MKLN1: variants seen among roughly 807,000 people sequenced by gnomAD.
MKLN1 encodes muskelin 1.
In MKLN1, 18 loss-of-function variants were observed where a neutral mutation model predicts 99.0. The observed-to-expected ratio is 0.18, with a 90% confidence interval of 0.13 to 0.27. The LOEUF is 0.27. MKLN1 is among the 10% of genes least tolerant of loss of function. The probability of loss-of-function intolerance (pLI) is 1.00; values close to 1 mark genes in which losing one functional copy is unlikely to be tolerated. For synonymous variants in MKLN1, 288 were observed against 293.2 expected (o/e 0.98, Z 0.18); for missense variants, 621 against 875.9 (o/e 0.71, Z 3.67).
chr7:131,475,629 T>C (rs369606801), intron 16 of MKLN1, among the ~76,000 whole-genome samples: 1 of 152,068 alleles, frequency 6.6e-6, no homozygotes, highest in Non-Finnish European at 1.5e-5. Flanking sequence ...TTGGGCAACA[T>C]AGCAAAAACC....
At chr7:131,130,334 A>C (rs1795530550) in intron 1 of MKLN1, among the ~76,000 whole-genome samples, 1 of 152,246 alleles carries the variant, frequency 6.6e-6, no homozygotes, top group Non-Finnish European at 1.5e-5. Context: ...TGATAAGCTT[A>C]GTTTGGTTAG....
chr7:131,210,343 C>A (rs1796882330), intron 3 of MKLN1, among the ~76,000 whole-genome samples: 1 of 152,006 alleles, frequency 6.6e-6, no homozygotes, highest in Non-Finnish European at 1.5e-5. Context: ...ACAGCCTGGG[C>A]AACACGGAGA....
intron 3 of MKLN1, among the ~76,000 whole-genome samples, chr7:131,313,290 T>A (rs1419961408): frequency 6.6e-6 from 1 of 152,198 alleles, no homozygotes; most frequent in African/African-American, 2.4e-5. Context: ...GTAGACAATA[T>A]ATAAACAGAC....
intron 2 of MKLN1, among the ~76,000 whole-genome samples, chr7:131,166,921 C>T (rs2116325681): frequency 6.6e-6 from 1 of 152,148 alleles, no homozygotes; most frequent in South Asian, 2.1e-4. Flanking sequence ...AAACTCTTGA[C>T]CTCAGGTGAT....
At chr7:131,246,069 C>T (rs981038020) in intron 3 of MKLN1, among the ~76,000 whole-genome samples, 3 of 152,232 alleles carry the variant, frequency 2.0e-5, no homozygotes, top group African/African-American at 7.2e-5. Context: ...GGAGGGGGCC[C>T]AAGGTCCTGC....
chr7:131,139,570 C>T (rs559108544), intron 1 of MKLN1, among the ~76,000 whole-genome samples: 1 of 152,320 alleles, frequency 6.6e-6, no homozygotes, highest in South Asian at 2.1e-4. Flanking sequence ...AAGGTGACTA[C>T]ACTCCTCTCT....
intron 2 of MKLN1, among the ~76,000 whole-genome samples, chr7:131,170,511 T>C (rs975317061): frequency 7.2e-5 from 11 of 152,226 alleles, no homozygotes; most frequent in African/African-American, 1.7e-4. Flanking sequence ...ACTAATTCCA[T>C]TGGAAAGCTG....
rs1319394079 is a variant in MKLN1 at position 131,117,207 on chromosome 7, G to A, written c.-419+7000G>A. On this transcript the variant is annotated intron_variant, in intron 1 of 7. Transcript: ENST00000416992. ...AGCACTTTGGGAGGCTGAGGTGGGCGGATCACGAGGTCAGGAGATCGAGAC... is the reference window on the plus strand; with the variant it reads ...AGCACTTTGGGAGGCTGAGGTGGGCAGATCACGAGGTCAGGAGATCGAGAC... 1.3e-4 allele frequency among the ~76,000 whole-genome samples: 20 copies of A among 152,110 alleles called. No individual in the cohort carries two copies. In the East Asian group the frequency reaches 1.7e-3, roughly 13 times the overall value.
At chr7:131,173,152 CA>C (rs1796241642) in intron 2 of MKLN1, among the ~76,000 whole-genome samples, 2 of 151,870 alleles carry the variant, frequency 1.3e-5, no homozygotes, top group African/African-American at 4.8e-5. Flanking sequence ...CACACACACA[CA>C]CACACACACA....
intron 7 of MKLN1, among the ~76,000 whole-genome samples, chr7:131,411,906 C>CAGAAAAAAA (rs1794888946): frequency 1.9e-5 from 1 of 53,092 alleles, no homozygotes; most frequent in African/African-American, 6.7e-5. Context: ...GATTCCATCT[C>CAGAAAAAAA]AAAAAAAAAA....
chr7:131,338,431 A>G (rs1024314367), intron 1 of MKLN1, among the ~76,000 whole-genome samples: 3 of 152,230 alleles, frequency 2.0e-5, no homozygotes, highest in African/African-American at 7.2e-5. Context: ...AATAGGTGAC[A>G]TGTCTTGAAA....
intron 8 of MKLN1, among the ~76,000 whole-genome samples, chr7:131,415,857 A>G (rs1795002592): frequency 1.3e-5 from 2 of 152,228 alleles, no homozygotes; most frequent in South Asian, 4.1e-4. Context: ...GATTGTCTAC[A>G]CAGTAGCTTC....
chr7:131,222,858 T>C (rs549519615), intron 3 of MKLN1, among the ~76,000 whole-genome samples: 698 of 49,012 alleles, frequency 0.014, 3 homozygotes, highest in East Asian at 0.065. Flanking sequence ...TTGCTAAAAA[T>C]ACAAAAAAAA....
chr7:131,444,799 TA>T (rs1795958268), intron 11 of MKLN1, among the ~76,000 whole-genome samples: 1 of 147,326 alleles, frequency 6.8e-6, no homozygotes, highest in African/African-American at 2.5e-5. Context: ...GTAGTAGTAG[TA>T]GTAGTAGTAG....
In MKLN1 at chr7:131,487,618, G is replaced by A. The variant is rs775587342; in HGVS notation, c.2098G>A (p.Val700Met). 2 of 1,611,830 alleles carry A rather than the reference G, an allele frequency of 1.2e-6. No individual in the cohort carries two copies. Among genetic ancestry groups the A allele is most frequent in the Non-Finnish European group, 1.7e-6 (2 of 1,178,946 alleles). The change falls in exon 18 of 18, where the codon GTG (valine) becomes ATG (methionine). Residue 700 changes from valine (V) to methionine (M), a missense_variant. Around this residue, in one of 8 missense-constraint regions of MKLN1, gnomAD observed 126 missense variants for 157.4 expected, o/e 0.80. Coordinates refer to ENST00000352689, the MANE Select transcript of MKLN1 (RefSeq NM_013255.5). This position sits in a 1 kb window ranked among gnomAD's most constrained non-coding sequence, Gnocchi z 4.7. Reference protein sequence around the residue: ...SDFTALGFSDVDHTYAQRTQL... With the variant: ...SDFTALGFSDMDHTYAQRTQL... The stretch of plus-strand genomic sequence containing the variant: ...ATCTTCTTCACCAGGCTTTTCTGAT[G>A]TGGATCACACCTATGCTCAAAGAAC...
intron 1 of MKLN1, among the ~76,000 whole-genome samples, chr7:131,341,723 G>T (rs1317997838): frequency 6.6e-6 from 1 of 152,168 alleles, no homozygotes; most frequent in African/African-American, 2.4e-5. Context: ...ATTCTTATAA[G>T]GAACAAAACC....
intron 3 of MKLN1, among the ~76,000 whole-genome samples, chr7:131,225,156 C>T (rs1289420188): frequency 1.3e-5 from 2 of 151,764 alleles, no homozygotes; most frequent in Non-Finnish European, 2.9e-5. Flanking sequence ...ATACCATAGA[C>T]TGGATGGCTC....
chr7:131,248,387 G>A lies in MKLN1; in HGVS notation c.-179+45413G>A, dbSNP rs77665247. Among the ~76,000 whole-genome samples the A allele has an allele frequency of 3.0e-3, 461 of 152,212 alleles. 6 individuals carry two copies. The highest frequency in any genetic ancestry group is 0.025 in the East Asian group (131 of 5,184). On this transcript the variant is annotated intron_variant, in intron 3 of 7. Coordinates refer to the MKLN1 transcript ENST00000416992. ...CCCCTCTATCTCTGCTGGTACCCCAGTTATCCTTTCTACAAACGAAATTGC... is the reference window on the plus strand; with the variant it reads ...CCCCTCTATCTCTGCTGGTACCCCAATTATCCTTTCTACAAACGAAATTGC...
At chr7:131,358,487 G>T (rs1799942713) in intron 1 of MKLN1, among the ~76,000 whole-genome samples, 1 of 152,072 alleles carries the variant, frequency 6.6e-6, no homozygotes, top group South Asian at 2.1e-4. Context: ...TTGGCTGGAG[G>T]TTTTCTTTTA....
Sources: gnomAD v4.1 joint callset for allele counts (sites outside exome capture counted in the v4.1 genomes callset) on GRCh38, gnomAD v4.1.1 for gene constraint, gnomAD v4.1.1 regional missense constraint, Gnocchi (gnomAD v3.1) non-coding constraint, MANE v1.5 for transcripts, NCBI Gene and HGNC (gene_info 2026-07-23, HGNC 2026-07-21) for gene names.